Variants in PDSS2 observed in about 807,000 individuals in gnomAD.
The protein encoded by PDSS2 is all trans-polyprenyl-diphosphate synthase PDSS2.
Under a neutral mutation model 44.5 loss-of-function variants are expected in PDSS2, and 31 were observed. That is an observed-to-expected ratio of 0.70 (90% CI 0.52 to 0.94). The LOEUF (loss-of-function observed/expected upper bound fraction) is 0.94. Among genes scored for constraint, PDSS2 ranks in the 40% least tolerant of loss-of-function variants. PDSS2 has a pLI of 0.00. For missense variants in PDSS2, 452 were observed against 482.2 expected (o/e 0.94, Z 0.59); for synonymous variants, 157 against 180.3 (o/e 0.87, Z 1.03).
chr6:107,426,034 G>C (rs1180474327), intron 1 of PDSS2, among the ~76,000 whole-genome samples: 1 of 152,106 alleles, frequency 6.6e-6, no homozygotes, highest in African/African-American at 2.4e-5. Context: ...ATGTAACAAG[G>C]AGCCAAATGT....
Position 107,274,127 on chromosome 6 carries a change from G to C in PDSS2, c.532C>G (p.Leu178Val), listed in dbSNP as rs549039940. 1.2e-6 allele frequency: 2 copies of C among 1,613,624 alleles called. No homozygotes were observed. Among genetic ancestry groups the C allele is most frequent in the Admixed American group, 3.3e-5 (2 of 60,018 alleles). ...TTATTTCCAAATTGCATGTCTTTCA[G>C]TGGACCATCAGATGATTGCAACTCA... is the stretch of plus-strand genomic sequence containing the variant. Reference protein sequence around the residue: ...LNELQSSDGPLKDMQFGNKIA... With the variant: ...LNELQSSDGPVKDMQFGNKIA... Residue 178 changes from leucine to valine, a missense_variant, in exon 3 of 8, where the codon CTG becomes GTG. Leu to Val is a conservative substitution (Grantham distance 32). Coordinates refer to ENST00000369037, the MANE Select transcript of PDSS2 (RefSeq NM_020381.4).
intron 7 of PDSS2, among the ~76,000 whole-genome samples, chr6:107,176,943 A>C (rs1771810669): frequency 6.6e-6 from 1 of 152,108 alleles, no homozygotes; most frequent in South Asian, 2.1e-4. Flanking sequence ...TATGTCAAGG[A>C]GTGAAGGTCA....
intron 4 of PDSS2, among the ~76,000 whole-genome samples, chr6:107,229,424 T>C (rs765481206): frequency 3.6e-4 from 55 of 152,096 alleles, no homozygotes; most frequent in Non-Finnish European, 6.8e-4. Context: ...ACCTCGTGAT[T>C]CACCCGCCTT....
intron 1 of PDSS2, among the ~76,000 whole-genome samples, chr6:107,362,842 G>T (rs1778822780): frequency 6.6e-6 from 1 of 152,104 alleles, no homozygotes; most frequent in Admixed American, 6.5e-5. Context: ...TATTTTTAAA[G>T]AAATCAAATG....
Position 107,274,159 on chromosome 6 carries a change from T to C in PDSS2, c.500A>G (p.Asn167Ser), listed in dbSNP as rs201218141. The C allele has an allele frequency of 1.1e-5, 18 of 1,613,970 alleles. No homozygotes were observed. Among genetic ancestry groups the C allele is most frequent in the Non-Finnish European group, 1.4e-5 (16 of 1,179,820 alleles). Residue 167 changes from asparagine (N) to serine (S), a missense_variant, in exon 3 of 8, where the codon AAT becomes AGT. By Grantham distance (46) the Asn-to-Ser change is conservative. Coordinates refer to ENST00000369037, the MANE Select transcript of PDSS2 (RefSeq NM_020381.4). The stretch of plus-strand genomic sequence containing the variant: ...ATCAGATGATTGCAACTCATTTAAA[T>C]TTACTATCCCACGATGTACAAGGAG... ...IALLVHRGIV[N>S]LNELQSSDGP...
intron 1 of PDSS2, among the ~76,000 whole-genome samples, chr6:107,385,767 T>G: frequency 6.6e-6 from 1 of 151,942 alleles, no homozygotes; most frequent in Non-Finnish European, 1.5e-5. Flanking sequence ...AATAGGCAAT[T>G]CACCTGTCTG....
At chr6:107,203,414 T>C (rs1163561221) in intron 6 of PDSS2, among the ~76,000 whole-genome samples, 8 of 152,172 alleles carry the variant, frequency 5.3e-5, no homozygotes, top group Admixed American at 5.2e-4. Context: ...TTGCCAACAC[T>C]CTGATTGGGC....
intron 1 of PDSS2, among the ~76,000 whole-genome samples, chr6:107,427,610 T>C (rs960256513): frequency 6.6e-6 from 1 of 152,238 alleles, no homozygotes; most frequent in Non-Finnish European, 1.5e-5. Context: ...ATTCCAGATA[T>C]TTTGTTTTGG....
intron 1 of PDSS2, among the ~76,000 whole-genome samples, chr6:107,446,654 T>C (rs992770042): frequency 6.6e-6 from 1 of 152,066 alleles, no homozygotes; most frequent in Non-Finnish European, 1.5e-5. Context: ...TCAGGAAACT[T>C]ACAATCATGG....
At chr6:107,448,766 C>T (rs147721939) in intron 1 of PDSS2, among the ~76,000 whole-genome samples, 1 of 152,274 alleles carries the variant, frequency 6.6e-6, no homozygotes, top group African/African-American at 2.4e-5. Context: ...TAAGGAGATG[C>T]CCCAGACTGG....
intron 1 of PDSS2, among the ~76,000 whole-genome samples, chr6:107,389,252 G>A (rs1185063890): frequency 6.6e-6 from 1 of 152,150 alleles, no homozygotes; most frequent in Non-Finnish European, 1.5e-5. Flanking sequence ...CCAACAAGTT[G>A]GCATTCCCAG....
At chr6:107,217,165 G>T (rs1421575851) in intron 4 of PDSS2, among the ~76,000 whole-genome samples, 1 of 152,142 alleles carries the variant, frequency 6.6e-6, no homozygotes, top group African/African-American at 2.4e-5. Flanking sequence ...ACAGACAAAC[G>T]GCGAATCTCC....
At chr6:107,422,538 T>C (rs796874291) in intron 1 of PDSS2, among the ~76,000 whole-genome samples, 10 of 152,116 alleles carry the variant, frequency 6.6e-5, no homozygotes, top group African/African-American at 2.4e-4. Flanking sequence ...GTACTATCTA[T>C]AATAGTGAAG....
intron 1 of PDSS2, among the ~76,000 whole-genome samples, chr6:107,392,376 G>A (rs939834808): frequency 6.6e-6 from 1 of 152,118 alleles, no homozygotes; most frequent in Non-Finnish European, 1.5e-5. Context: ...GAACGGTAAT[G>A]GCTTTAAAAA....
intron 3 of PDSS2, among the ~76,000 whole-genome samples, chr6:107,269,340 CTGTGTGTGTGTG>C (rs58803876): frequency 1.4e-5 from 2 of 143,302 alleles, no homozygotes; most frequent in African/African-American, 2.6e-5. Flanking sequence ...TTTCGTGTGT[CTGTGTGTGTGTG>C]TGTGTGTGTG....
chr6:107,182,473 C>T (rs982291586), intron 7 of PDSS2, among the ~76,000 whole-genome samples: 13 of 152,180 alleles, frequency 8.5e-5, no homozygotes, highest in African/African-American at 2.9e-4. Context: ...TATAGGTACC[C>T]GCCACCACAC....
chr6:107,210,267 C>T (rs1773152377), intron 6 of PDSS2, among the ~76,000 whole-genome samples, 172 bp downstream of exon 6: 1 of 152,174 alleles, frequency 6.6e-6, no homozygotes, highest in Non-Finnish European at 1.5e-5. Flanking sequence ...CAATCTCTAA[C>T]TTTAACTAAT....
intron 4 of PDSS2, 103 bp downstream of exon 4, chr6:107,245,445 A>T: frequency 3.2e-6 from 1 of 314,474 alleles, no homozygotes; most frequent in Non-Finnish European, 6.0e-6. Flanking sequence ...AAAAAAAAAA[A>T]GCCATGTACA....
At chr6:107,222,000 C>CAGATTTAT (rs1444708938) in intron 4 of PDSS2, among the ~76,000 whole-genome samples, 1 of 152,212 alleles carries the variant, frequency 6.6e-6, no homozygotes, top group Non-Finnish European at 1.5e-5. Flanking sequence ...CGCCTGTTTT[C>CAGATTTAT]ATGCTTAGGA....
Sources: gnomAD v4.1 joint callset for allele counts (sites outside exome capture counted in the v4.1 genomes callset) on GRCh38, gnomAD v4.1.1 for gene constraint, MANE v1.5 for transcripts, NCBI Gene and HGNC (gene_info 2026-07-23, HGNC 2026-07-21) for gene names.